PXDNL: variants seen among roughly 807,000 people sequenced by gnomAD.
PXDNL encodes probable oxidoreductase PXDNL.
A neutral mutation model predicts 150.8 loss-of-function variants in PXDNL; 145 were observed. That is an observed-to-expected ratio of 0.96 (90% CI 0.84 to 1.10). The LOEUF (loss-of-function observed/expected upper bound fraction) is 1.10, where lower values mean the gene tolerates loss of function less well. Among genes scored for constraint, PXDNL ranks in the 50% least tolerant of loss-of-function variants. The probability of loss-of-function intolerance (pLI) is 0.00; values close to 1 mark genes in which losing one functional copy is unlikely to be tolerated. For synonymous variants in PXDNL, 757 were observed against 725.7 expected (o/e 1.04, Z -0.69); for missense variants, 2,087 against 1,873.9 (o/e 1.11, Z -2.10).
At chr8:51,497,744 C>G (rs538002625) in intron 5 of PXDNL, among the ~76,000 whole-genome samples, 35 of 152,276 alleles carry the variant, frequency 2.3e-4, no homozygotes, top group Middle Eastern at 3.4e-3. Flanking sequence ...CCATCTCACA[C>G]CAGTTAGAAT....
intron 21 of PXDNL, among the ~76,000 whole-genome samples, chr8:51,334,984 G>T (rs2130658445): frequency 6.6e-6 from 1 of 152,158 alleles, no homozygotes; most frequent in Admixed American, 6.5e-5. Context: ...ATTGTTATTT[G>T]GTAATAACAT....
intron 1 of PXDNL, among the ~76,000 whole-genome samples, chr8:51,690,787 C>G (rs1296945740): frequency 9.9e-5 from 15 of 151,558 alleles, no homozygotes; most frequent in South Asian, 4.2e-4. Context: ...GTCCCACCCA[C>G]AGTGTAAAAG....
rs966013327 is a variant in PXDNL, at chr8:51,578,137, TGAGA to T, written c.308+14486_308+14489del. On this transcript the variant is annotated intron_variant, in intron 3 of 22. Transcript: ENST00000356297. ...AAGAAAGAAGGAAAGAAAGAAAGAG[TGAGA>T]GAGAGAGAAAGAAAGAGAAAGAAAG... Among the ~76,000 whole-genome samples the T allele has an allele frequency of 3.5e-4, 35 of 101,052 alleles. 1 individual carries two copies. The highest frequency in any genetic ancestry group is 1.4e-3 in the Admixed American group (16 of 11,180). 66.3% of individuals were successfully genotyped at this position (101,052 alleles called of 152,430 possible).
chr8:51,767,634 G>T (rs904208676), intron 1 of PXDNL, among the ~76,000 whole-genome samples: 2 of 151,946 alleles, frequency 1.3e-5, no homozygotes, highest in Non-Finnish European at 2.9e-5. Flanking sequence ...GGGCCTCAAA[G>T]GTCACCTACA....
At chr8:51,376,879 C>T (rs549628726) in intron 17 of PXDNL, among the ~76,000 whole-genome samples, 113 of 151,946 alleles carry the variant, frequency 7.4e-4, no homozygotes, top group Non-Finnish European at 1.2e-3. Flanking sequence ...CCACAATGCC[C>T]GGCTAATTTT....
chr8:51,539,059 G>A (rs1812153966), intron 4 of PXDNL, among the ~76,000 whole-genome samples: 1 of 152,036 alleles, frequency 6.6e-6, no homozygotes, highest in Non-Finnish European at 1.5e-5. Context: ...CACCTTAAGA[G>A]TTATTCAGTC....
chr8:51,742,042 A>G (rs908129470), intron 1 of PXDNL, among the ~76,000 whole-genome samples: 9 of 152,330 alleles, frequency 5.9e-5, no homozygotes, highest in African/African-American at 1.9e-4. Flanking sequence ...CATCCATACC[A>G]TGGAATATTA....
chr8:51,743,711 T>C (rs2036931632), intron 1 of PXDNL, among the ~76,000 whole-genome samples: 1 of 152,026 alleles, frequency 6.6e-6, no homozygotes, highest in Non-Finnish European at 1.5e-5. Flanking sequence ...GAGAAATGGT[T>C]TGACCATTTG....
intron 4 of PXDNL, among the ~76,000 whole-genome samples, chr8:51,548,397 T>C (rs927813162): frequency 1.2e-4 from 19 of 152,172 alleles, no homozygotes; most frequent in Admixed American, 4.6e-4. Context: ...TATCATGTTA[T>C]CTAAATTCAA....
intron 4 of PXDNL, among the ~76,000 whole-genome samples, chr8:51,503,327 T>C (rs78296731): frequency 0.013 from 1,998 of 152,344 alleles, 41 homozygotes; most frequent in African/African-American, 0.046. Flanking sequence ...GAGAGTTCTG[T>C]TGATTATAGT....
intron 4 of PXDNL, among the ~76,000 whole-genome samples, chr8:51,553,527 C>T (rs4437641): frequency 0.3 from 44,832 of 151,886 alleles, 8,246 homozygotes; most frequent in African/African-American, 0.51. Flanking sequence ...TAAAGATGTT[C>T]TTCATCAGTT....
chr8:51,715,233 C>A (rs1306308326), intron 1 of PXDNL, among the ~76,000 whole-genome samples: 1 of 152,036 alleles, frequency 6.6e-6, no homozygotes, highest in South Asian at 2.1e-4. Context: ...ATACAGAGGG[C>A]CAAGAAGAAT....
chr8:51,749,762 A>G (rs4873595), intron 1 of PXDNL, among the ~76,000 whole-genome samples: 122,435 of 152,072 alleles, frequency 0.81, 49,402 homozygotes, highest in East Asian at 0.88. Flanking sequence ...GTGCAGTGGC[A>G]TGATCTCGGC....
chr8:51,426,526 T>C lies in PXDNL; in HGVS notation c.1638+120A>G. 3 of 595,404 alleles carry C rather than the reference T, an allele frequency of 5.0e-6. No individual in the cohort carries two copies. In the South Asian group the frequency reaches 6.7e-5, roughly 13 times the overall value. 36.9% of individuals were successfully genotyped at this position (595,404 alleles called of 1,614,324 possible). ...AAACCTGCTGCAATGTAAAAGGTAT[T>C]ATTTGCTAGCAAAAGTCGCAACAGT... On this transcript the variant is annotated intron_variant, in intron 13 of 22. Transcript: ENST00000356297.
chr8:51,704,920 G>A (rs967231259), intron 1 of PXDNL, among the ~76,000 whole-genome samples: 2 of 151,904 alleles, frequency 1.3e-5, no homozygotes, highest in African/African-American at 4.8e-5. Flanking sequence ...TTGGACCTTA[G>A]TAAACAGCAC....
chr8:51,472,295 C>CG lies in PXDNL; in HGVS notation c.703dup (p.Arg235ProfsTer5). 6.2e-7 allele frequency: 1 copy of CG among 1,610,674 alleles called. No homozygotes were observed. The highest frequency in any genetic ancestry group is 8.5e-7 in the Non-Finnish European group (1 of 1,177,666). On this transcript the variant is annotated frameshift_variant, in exon 8 of 23. Coordinates refer to ENST00000356297, the MANE Select transcript of PXDNL (RefSeq NM_144651.5). LOFTEE classifies it high-confidence loss of function. ...CACATCCTGCGGCTCAAAAGTAATT[C>CG]GGGGGCTCTCTGCAACAAAAGAATT...
chr8:51,761,024 AATTTTTT>A (rs1397765924), intron 1 of PXDNL, among the ~76,000 whole-genome samples: 1 of 115,942 alleles, frequency 8.6e-6, no homozygotes, highest in Non-Finnish European at 1.8e-5. Context: ...ACGCCCGGCT[AATTTTTT>A]TTTTTTTTTT....
At chr8:51,393,925 C>T (rs112149421) in intron 17 of PXDNL, among the ~76,000 whole-genome samples, 40 of 152,300 alleles carry the variant, frequency 2.6e-4, no homozygotes, top group African/African-American at 7.5e-4. Context: ...TTAAATCTGT[C>T]TTTTTTTAAG....
rs1298918098 is a variant in PXDNL, at chr8:51,374,597, C to T, written c.3692G>A (p.Arg1231Lys). 1 of 1,613,704 alleles carries T rather than the reference C, an allele frequency of 6.2e-7. No homozygotes were observed. The highest frequency in any genetic ancestry group is 8.5e-7 in the Non-Finnish European group (1 of 1,179,756). The change falls in exon 18 of 23, where the codon AGG becomes AAG. Residue 1231 changes from arginine to lysine, a missense_variant and splice_region_variant. Arg to Lys is a conservative substitution (Grantham distance 26). Coordinates refer to ENST00000356297, the MANE Select transcript of PXDNL (RefSeq NM_144651.5). ...ATAAGTATAACAGATAATCATTCAC[C>T]TATCTCCATCTCTTAGCCGCTGAAA... ...TQFQRLRDGD[R>K]FWYENPGVFT... is the part of the protein sequence containing the mutation.
Sources: gnomAD v4.1 joint callset for allele counts (sites outside exome capture counted in the v4.1 genomes callset) on GRCh38, gnomAD v4.1.1 for gene constraint, MANE v1.5 for transcripts, NCBI Gene and HGNC (gene_info 2026-07-23, HGNC 2026-07-21) for gene names.